The following TMEM117 variants were observed in gnomAD, a reference collection of about 807,000 sequenced individuals.
TMEM117 encodes transmembrane protein 117.
TMEM117 carries 27 observed loss-of-function variants against 52.4 expected under a neutral mutation model. The observed-to-expected ratio is 0.51, with a 90% CI of 0.38 to 0.71. TMEM117 has a LOEUF of 0.71. Ranked by LOEUF, TMEM117 falls within the 30% of genes least tolerant of loss-of-function variation. TMEM117 has a pLI of 0.00. For missense variants in TMEM117, 556 were observed against 630.5 expected (o/e 0.88, Z 1.26); for synonymous variants, 215 against 206.3 (o/e 1.04, Z -0.36).
At chr12:43,864,186 G>A (rs537300008) in intron 2 of TMEM117, among the ~76,000 whole-genome samples, 5 of 152,298 alleles carry the variant, frequency 3.3e-5, no homozygotes, top group South Asian at 2.1e-4. Context: ...CACTCCCCCC[G>A]CAGTGGGTTC....
At chr12:44,257,624 A>T (rs1450042218) in intron 5 of TMEM117, among the ~76,000 whole-genome samples, 2 of 152,110 alleles carry the variant, frequency 1.3e-5, no homozygotes, top group East Asian at 3.9e-4. Flanking sequence ...TGCCATATAG[A>T]TTTCATTGTA....
At chr12:44,202,490 AAGCCTAC>A (rs1279898513) in intron 4 of TMEM117, among the ~76,000 whole-genome samples, 1 of 152,186 alleles carries the variant, frequency 6.6e-6, no homozygotes, top group Non-Finnish European at 1.5e-5. Flanking sequence ...CCTAGGAATA[AAGCCTAC>A]TTGATTGTGG....
chr12:44,187,577 C>T (rs1949295523), intron 4 of TMEM117, among the ~76,000 whole-genome samples: 1 of 152,080 alleles, frequency 6.6e-6, no homozygotes, highest in Non-Finnish European at 1.5e-5. Context: ...GGATCTCTAA[C>T]CTGGAGGAAT....
intron 6 of TMEM117, among the ~76,000 whole-genome samples, chr12:44,307,855 G>A (rs1166925459): frequency 6.6e-6 from 1 of 152,196 alleles, no homozygotes; most frequent in African/African-American, 2.4e-5. Context: ...TTTGGCAGAA[G>A]GTAATAGTGA....
At chr12:44,351,643 C>T (rs1951563748) in intron 6 of TMEM117, among the ~76,000 whole-genome samples, 2 of 151,870 alleles carry the variant, frequency 1.3e-5, no homozygotes, top group South Asian at 2.1e-4. Flanking sequence ...GTTCTTGGCA[C>T]ATACTCTTTT....
intron 2 of TMEM117, among the ~76,000 whole-genome samples, chr12:43,917,315 CG>C (rs1944622551): frequency 6.6e-6 from 1 of 151,488 alleles, no homozygotes. Context: ...GCAGGAGGAT[CG>C]CTTGAGCTCA....
intron 3 of TMEM117, among the ~76,000 whole-genome samples, chr12:44,017,233 C>CTGTGTGTGTGTG (rs143648069): frequency 0.01 from 1,484 of 147,310 alleles, 36 homozygotes; most frequent in African/African-American, 0.034. Flanking sequence ...ATGAAGCCTT[C>CTGTGTGTGTGTG]TGTGTGTGTG....
At chr12:44,136,435 G>T (rs1445644903) in intron 3 of TMEM117, among the ~76,000 whole-genome samples, 1 of 152,026 alleles carries the variant, frequency 6.6e-6, no homozygotes, top group Non-Finnish European at 1.5e-5. Context: ...CACAAAATCT[G>T]GGACTTTAGA....
At chr12:44,118,678 T>G (rs1034270407) in intron 3 of TMEM117, among the ~76,000 whole-genome samples, 2 of 152,224 alleles carry the variant, frequency 1.3e-5, no homozygotes, top group African/African-American at 4.8e-5. Context: ...TTTGATGAGC[T>G]CTTCAAGTAT....
intron 3 of TMEM117, among the ~76,000 whole-genome samples, chr12:44,002,050 A>C (rs972273943): frequency 1.3e-5 from 2 of 152,220 alleles, no homozygotes; most frequent in African/African-American, 2.4e-5. Context: ...TAAAGAATTC[A>C]GGAGTGAAAC....
At chr12:43,990,253 A>G (rs953803594) in intron 3 of TMEM117, among the ~76,000 whole-genome samples, 2 of 152,194 alleles carry the variant, frequency 1.3e-5, no homozygotes, top group Non-Finnish European at 2.9e-5. Flanking sequence ...TGAAAAATGT[A>G]GATGAGCACA....
intron 4 of TMEM117, among the ~76,000 whole-genome samples, chr12:44,152,515 AATT>A (rs1948757705): frequency 9.1e-6 from 1 of 109,690 alleles, no homozygotes; most frequent in African/African-American, 3.9e-5. Context: ...ATCATATATA[AATT>A]TATATATATA....
rs183746487 is a variant in TMEM117, at chr12:44,341,012, T to A, written c.769-35583T>A. On this transcript the variant is annotated intron_variant, in intron 6 of 7. Transcript: ENST00000266534. ...CATTTTCTGTGTCCAAGTGTACACA[T>A]TTTTTTAGACAGGATTTTACTCTGT... Among the ~76,000 whole-genome samples, 174 of 152,074 alleles carry A rather than the reference T, an allele frequency of 1.1e-3. 1 individual carries two copies. The highest frequency in any genetic ancestry group is 4.0e-3 in the African/African-American group (167 of 41,510).
At chr12:44,152,157 A>G (rs1948741341) in intron 4 of TMEM117, among the ~76,000 whole-genome samples, 1 of 111,748 alleles carries the variant, frequency 8.9e-6, no homozygotes, top group South Asian at 2.8e-4. Context: ...ATTTATATTT[A>G]CATAATATAT....
chr12:43,824,949 A>G, the TMEM117 span, among the ~76,000 whole-genome samples: 1 of 152,320 alleles, frequency 6.6e-6, no homozygotes, highest in South Asian at 2.1e-4. Context: ...AAAACAAAAC[A>G]AAACAAAAAG....
At chr12:43,985,339 A>G (rs1383600221) in intron 3 of TMEM117, among the ~76,000 whole-genome samples, 1 of 152,218 alleles carries the variant, frequency 6.6e-6, no homozygotes, top group Admixed American at 6.5e-5. Flanking sequence ...TCAAAGCTTT[A>G]TATTCATATG....
In TMEM117 at chr12:44,376,640, C is replaced by T; in HGVS notation, c.814C>T (p.Pro272Ser). 6.2e-7 allele frequency: 1 copy of T among 1,611,150 alleles called. No homozygotes were observed. The highest frequency in any genetic ancestry group is 8.5e-7 in the Non-Finnish European group (1 of 1,179,008). ...CATGGGAGATGTTGATGTAAATCTC[C>T]CTGGTTTGCACACCCCTCACATGCA... ...HFMGDVDVNL[P>S]GLHTPHMQFK... Residue 272 changes from proline to serine, a missense_variant, in exon 7 of 8, where the codon CCT (proline) becomes TCT (serine). Physicochemically the swap from Pro to Ser is moderately conservative, Grantham distance 74. This residue lies in a region of TMEM117 where 328 missense variants were observed against 371.4 expected (regional missense o/e 0.88). Coordinates refer to ENST00000266534, the MANE Select transcript of TMEM117 (RefSeq NM_032256.3).
At chr12:44,282,830 C>T (rs766471621) in intron 5 of TMEM117, among the ~76,000 whole-genome samples, 26 of 152,236 alleles carry the variant, frequency 1.7e-4, no homozygotes, top group Non-Finnish European at 3.2e-4. Context: ...CAGAGACCTT[C>T]ACAGCAGCAT....
At chr12:44,179,159 C>T (rs1397973010) in intron 4 of TMEM117, among the ~76,000 whole-genome samples, 1 of 152,044 alleles carries the variant, frequency 6.6e-6, no homozygotes, top group Admixed American at 6.6e-5. Flanking sequence ...CGCCACTGTC[C>T]TCCAGCCTGG....
Sources: allele counts gnomAD v4.1 joint callset (sites outside exome capture counted in the v4.1 genomes callset), GRCh38; gene constraint gnomAD v4.1.1; regional missense constraint gnomAD v4.1.1; transcripts MANE v1.5; gene names NCBI Gene and HGNC (gene_info 2026-07-23, HGNC 2026-07-21).